Variants in PCDH9 observed in about 807,000 individuals in gnomAD.
PCDH9 encodes protocadherin 9.
In PCDH9, 24 loss-of-function variants were observed where a neutral mutation model predicts 70.6. The ratio of observed to expected loss-of-function variants is 0.34; its 90% CI spans 0.25 to 0.48. The LOEUF is 0.48. PCDH9 is among the 20% of genes least tolerant of loss of function. PCDH9 has a pLI of 0.99. For synonymous variants in PCDH9, 562 were observed against 558.5 expected (o/e 1.01, Z -0.09); for missense variants, 1,281 against 1,503.6 (o/e 0.85, Z 2.45).
intron 3 of PCDH9, among the ~76,000 whole-genome samples, chr13:66,712,290 C>T (rs918108800): frequency 3.9e-5 from 6 of 151,950 alleles, no homozygotes; most frequent in Non-Finnish European, 5.9e-5. Context: ...AATGAAAAAA[C>T]GGTTATTATT....
chr13:66,724,247 A>G (rs770719127), intron 3 of PCDH9, among the ~76,000 whole-genome samples: 1 of 152,232 alleles, frequency 6.6e-6, no homozygotes, highest in Non-Finnish European at 1.5e-5. Flanking sequence ...TAAATGAGCC[A>G]AAAACAATAT....
At chr13:66,737,192 A>G (rs1451795905) in intron 3 of PCDH9, among the ~76,000 whole-genome samples, 1 of 35,672 alleles carries the variant, frequency 2.8e-5, no homozygotes, top group Non-Finnish European at 1.9e-4. Context: ...TAAAACATGT[A>G]TTTGTTCTCT....
intron 3 of PCDH9, among the ~76,000 whole-genome samples, chr13:66,895,305 A>G (rs772129237): frequency 2.2e-4 from 33 of 152,182 alleles, no homozygotes; most frequent in African/African-American, 2.9e-4. Flanking sequence ...ACAGTTTTCA[A>G]TCTTCAAGGA....
At chr13:66,874,443 T>C (rs1417013247) in intron 3 of PCDH9, among the ~76,000 whole-genome samples, 1 of 152,220 alleles carries the variant, frequency 6.6e-6, no homozygotes, top group Non-Finnish European at 1.5e-5. Context: ...TTGTAGATTT[T>C]ACTTTATACT....
intron 2 of PCDH9, among the ~76,000 whole-genome samples, chr13:67,079,500 C>T (rs1317764918): frequency 6.6e-6 from 1 of 152,118 alleles, no homozygotes; most frequent in Non-Finnish European, 1.5e-5. Context: ...GCTTACTTTC[C>T]AACCTGACTC....
Position 67,074,217 on chromosome 13 carries a change from G to C in PCDH9, c.3036+151188C>G, listed in dbSNP as rs151230811. ...CTCAAGGTAATGGTATTAGGAGGTG[G>C]GGGTTTTTGTAGGTGATTGGGTCAC... On this transcript the variant is annotated intron_variant, in intron 2 of 4. Transcript: ENST00000377865. Among the ~76,000 whole-genome samples, 58 of 152,092 alleles carry C rather than the reference G, an allele frequency of 3.8e-4. No homozygotes were observed. In the East Asian group the frequency reaches 0.011, roughly 29 times the overall value.
chr13:67,066,379 G>T (rs926180910), intron 2 of PCDH9, among the ~76,000 whole-genome samples: 1 of 151,960 alleles, frequency 6.6e-6, no homozygotes, highest in African/African-American at 2.4e-5. Context: ...GATTACAGGC[G>T]CCTGCCACCA....
At chr13:66,316,928 G>T (rs1955663562) in intron 4 of PCDH9, among the ~76,000 whole-genome samples, 1 of 151,990 alleles carries the variant, frequency 6.6e-6, no homozygotes, top group Admixed American at 6.6e-5. Context: ...TCGCCATGTT[G>T]GTCAGACTGG....
chr13:66,384,664 CTTAT>C (rs1407369588), intron 4 of PCDH9, among the ~76,000 whole-genome samples: 6 of 152,046 alleles, frequency 3.9e-5, no homozygotes, highest in Non-Finnish European at 7.4e-5. Context: ...TTTAATTTTA[CTTAT>C]TTATTTACTT....
chr13:66,993,820 T>C (rs574584871), intron 2 of PCDH9, among the ~76,000 whole-genome samples: 3 of 152,326 alleles, frequency 2.0e-5, no homozygotes, highest in African/African-American at 7.2e-5. Context: ...CATTCAATTA[T>C]ATTAAGTCCC....
intron 4 of PCDH9, among the ~76,000 whole-genome samples, chr13:66,492,156 A>G (rs1959044294): frequency 6.6e-6 from 1 of 152,134 alleles, no homozygotes; most frequent in Admixed American, 6.6e-5. Context: ...CTGTTGTGAT[A>G]CTACTTTTTC....
At chr13:66,529,583 TA>T (rs1360133630) in intron 4 of PCDH9, among the ~76,000 whole-genome samples, 9 of 152,108 alleles carry the variant, frequency 5.9e-5, no homozygotes, top group Non-Finnish European at 1.0e-4. Flanking sequence ...GAATGTTGAA[TA>T]AAAACATATT....
chr13:66,577,685 G>A (rs1449597119), intron 4 of PCDH9, among the ~76,000 whole-genome samples: 2 of 151,960 alleles, frequency 1.3e-5, no homozygotes, highest in Non-Finnish European at 2.9e-5. Flanking sequence ...TTACTGATAG[G>A]AGATTGCTTT....
intron 2 of PCDH9, among the ~76,000 whole-genome samples, chr13:67,108,133 C>T (rs1718839758): frequency 6.6e-6 from 1 of 152,172 alleles, no homozygotes; most frequent in African/African-American, 2.4e-5. Context: ...CCTGGCTCAC[C>T]CTTGGCAGCT....
In PCDH9 at chr13:67,151,310, C is replaced by T. The variant is rs1391997649; in HGVS notation, c.3036+74095G>A. 3.9e-5 allele frequency among the ~76,000 whole-genome samples: 6 copies of T among 152,236 alleles called. No individual in the cohort carries two copies. The South Asian group carries it at 6.2e-4, about 16-fold the overall frequency. On this transcript the variant is annotated intron_variant, in intron 2 of 4. Transcript: ENST00000377865. ...AAGTAGGGATGGAATTGTTTCTTAA[C>T]GTTTGTATCCCCCAATTTGTTCCTC...
intron 2 of PCDH9, among the ~76,000 whole-genome samples, chr13:67,164,417 C>T (rs1594598852): frequency 6.7e-6 from 1 of 148,994 alleles, no homozygotes; most frequent in African/African-American, 2.6e-5. Flanking sequence ...TCTAATAAAA[C>T]TACAAAAATT....
At chr13:66,561,862 C>T (rs1169621254) in intron 4 of PCDH9, among the ~76,000 whole-genome samples, 9 of 152,034 alleles carry the variant, frequency 5.9e-5, no homozygotes, top group Admixed American at 1.3e-4. Context: ...AGTGGCAACC[C>T]GCTCGGGTCC....
At chr13:66,863,475 T>G (rs1200729316) in intron 3 of PCDH9, among the ~76,000 whole-genome samples, 1 of 152,016 alleles carries the variant, frequency 6.6e-6, no homozygotes, top group Non-Finnish European at 1.5e-5. Flanking sequence ...TAATACCCAT[T>G]TTTGTTTATT....
intron 2 of PCDH9, among the ~76,000 whole-genome samples, chr13:67,190,210 C>T (rs1003160068): frequency 6.6e-6 from 1 of 151,940 alleles, no homozygotes; most frequent in African/African-American, 2.4e-5. Flanking sequence ...GCCACTAGCC[C>T]TTTGATACCC....
Sources: allele counts gnomAD v4.1 joint callset (sites outside exome capture counted in the v4.1 genomes callset), GRCh38; gene constraint gnomAD v4.1.1; transcripts MANE v1.5; gene names NCBI Gene and HGNC (gene_info 2026-07-23, HGNC 2026-07-21).